RAD51B: variants seen among roughly 807,000 people sequenced by gnomAD.
RAD51B encodes DNA repair protein RAD51 homolog 2.
Under a neutral mutation model 42.2 loss-of-function variants are expected in RAD51B, and 38 were observed. The observed-to-expected ratio is 0.90, with a 90% CI of 0.70 to 1.18. The LOEUF (loss-of-function observed/expected upper bound fraction) is 1.18, where lower values mean the gene tolerates loss of function less well. RAD51B is among the 50% of genes most tolerant of loss of function. The pLI, the probability that RAD51B is intolerant of heterozygous loss-of-function variation, is 0.00. For synonymous variants in RAD51B, 154 were observed against 145.2 expected, an observed-to-expected ratio of 1.06 and a Z score of -0.43; for missense variants, 373 against 400.7, an observed-to-expected ratio of 0.93 and a Z score of 0.59.
chr14:68,275,082 A>G (rs1240787080), intron 7 of RAD51B, among the ~76,000 whole-genome samples: 1 of 152,104 alleles, frequency 6.6e-6, no homozygotes, highest in Non-Finnish European at 1.5e-5. Flanking sequence ...TGGTTTTAGC[A>G]CCCATTGATG....
intron 7 of RAD51B, among the ~76,000 whole-genome samples, chr14:68,234,407 T>TG (rs1365310120): frequency 6.6e-6 from 1 of 152,228 alleles, no homozygotes; most frequent in Non-Finnish European, 1.5e-5. Context: ...CATCACTTAA[T>TG]GATAGGAATG....
chr14:68,646,559 G>C (rs1892567911), intron 10 of RAD51B, among the ~76,000 whole-genome samples: 1 of 152,186 alleles, frequency 6.6e-6, no homozygotes, highest in African/African-American at 2.4e-5. Flanking sequence ...CCAAAGTAAA[G>C]GCATTTGATC....
chr14:68,562,752 A>T, intron 10 of RAD51B: 1 of 985,382 alleles, frequency 1.0e-6, no homozygotes, highest in South Asian at 4.7e-5. Context: ...CCTCATCACC[A>T]GGGCATATCT....
At chr14:68,540,309 A>G in intron 10 of RAD51B, 1 of 1,045,008 alleles carries the variant, frequency 9.6e-7, no homozygotes, top group Non-Finnish European at 1.2e-6. Context: ...CCACACCACA[A>G]CACTGTTGGA....
intron 7 of RAD51B, among the ~76,000 whole-genome samples, chr14:68,095,323 T>A (rs1312485262): frequency 6.6e-6 from 1 of 152,116 alleles, no homozygotes; most frequent in East Asian, 1.9e-4. Context: ...AGTTGAGAAC[T>A]GTATTCTCAA....
chr14:68,547,857 T>A (rs1888318324), intron 10 of RAD51B, among the ~76,000 whole-genome samples: 1 of 152,188 alleles, frequency 6.6e-6, no homozygotes, highest in African/African-American at 2.4e-5. Flanking sequence ...CAGGCCTTTT[T>A]TAGGAATGAA....
chr14:68,285,051 C>T (rs1046746522), intron 7 of RAD51B, among the ~76,000 whole-genome samples: 5 of 152,152 alleles, frequency 3.3e-5, no homozygotes, highest in Non-Finnish European at 7.3e-5. Context: ...CCTCCAGCTC[C>T]TACCACAGCA....
intron 9 of RAD51B, among the ~76,000 whole-genome samples, chr14:68,460,181 G>T (rs1007756764): frequency 6.6e-6 from 1 of 152,202 alleles, no homozygotes; most frequent in Admixed American, 6.5e-5. Flanking sequence ...GCCGGGCACA[G>T]TGGCTCACAC....
intron 10 of RAD51B, among the ~76,000 whole-genome samples, chr14:68,511,148 C>T (rs897495872): frequency 6.6e-6 from 1 of 152,162 alleles, no homozygotes; most frequent in Non-Finnish European, 1.5e-5. Flanking sequence ...TGAACTAGTG[C>T]TTTGGGACAC....
intron 10 of RAD51B, among the ~76,000 whole-genome samples, chr14:68,542,706 T>C (rs1888031373): frequency 6.6e-6 from 1 of 152,200 alleles, no homozygotes. Flanking sequence ...AAAAAATAAG[T>C]TCAAATTCTA....
At chr14:68,211,632 A>G (rs1382219373) in intron 7 of RAD51B, among the ~76,000 whole-genome samples, 2 of 152,236 alleles carry the variant, frequency 1.3e-5, no homozygotes, top group Non-Finnish European at 2.9e-5. Context: ...AAATTAATAT[A>G]TAAAACCATC....
intron 7 of RAD51B, among the ~76,000 whole-genome samples, chr14:68,022,606 T>C (rs111811739): frequency 9.9e-5 from 15 of 152,278 alleles, no homozygotes; most frequent in African/African-American, 3.6e-4. Flanking sequence ...TTAGTGTTGA[T>C]GGGCATTTTT....
chr14:68,482,756 A>G (rs1307513821), downstream of RAD51B, among the ~76,000 whole-genome samples: 3 of 152,212 alleles, frequency 2.0e-5, no homozygotes, highest in Admixed American at 6.5e-5. Flanking sequence ...CACACTGCCT[A>G]CTTCTGAATT....
chr14:67,954,473 G>C (rs1347304792), intron 7 of RAD51B, among the ~76,000 whole-genome samples: 1 of 152,204 alleles, frequency 6.6e-6, no homozygotes, highest in Admixed American at 6.5e-5. Flanking sequence ...TGAGAGGCTA[G>C]TCAGTAGCAT....
chr14:68,370,771 G>T (rs1232179497), intron 8 of RAD51B, among the ~76,000 whole-genome samples: 1 of 152,096 alleles, frequency 6.6e-6, no homozygotes, highest in East Asian at 1.9e-4. Context: ...TTGGCCGGGC[G>T]CAGTGGCTCA....
intron 8 of RAD51B, 64 bp from the exon 9 acceptor site, chr14:68,411,360 C>T (rs2084414450): frequency 5.1e-6 from 7 of 1,375,200 alleles, no homozygotes; most frequent in Admixed American, 1.7e-5. Flanking sequence ...AATGTCTGGA[C>T]TTCATGTGAA....
In RAD51B at chr14:67,843,703, C is replaced by A. The variant is rs2041511608; in HGVS notation, c.315+8507C>A. ...TATTTCTGTGGGGTCGATGGAATAT[C>A]ACCTTTGTCATTTCTGATTGTTTAT... On this transcript the variant is annotated intron_variant, in intron 4 of 10. Coordinates refer to ENST00000471583, the MANE Select transcript of RAD51B (RefSeq NM_133510.4). Among the ~76,000 whole-genome samples, 3 of 144,290 alleles carry A rather than the reference C, an allele frequency of 2.1e-5. No homozygotes were observed. The Admixed American group carries it at 2.2e-4, about 10-fold the overall frequency. The allele number at this position is 144,290 out of a possible 152,430, so 94.7% of individuals were successfully genotyped here. A position where few individuals can be genotyped will look rare whatever the true frequency, so the allele number is the denominator to read the frequency against.
intron 7 of RAD51B, among the ~76,000 whole-genome samples, chr14:68,105,345 C>T (rs1183553978): frequency 4.6e-5 from 7 of 151,610 alleles, no homozygotes; most frequent in African/African-American, 7.3e-5. Context: ...ACTTTGTTAT[C>T]GTCATAAAAT....
chr14:68,159,289 T>A (rs2078585147), intron 7 of RAD51B, among the ~76,000 whole-genome samples: 1 of 152,028 alleles, frequency 6.6e-6, no homozygotes, highest in Non-Finnish European at 1.5e-5. Context: ...AAAAATTGAT[T>A]AAAAAAATAG....
Sources: allele counts gnomAD v4.1 joint callset (sites outside exome capture counted in the v4.1 genomes callset), GRCh38; gene constraint gnomAD v4.1.1; transcripts MANE v1.5; gene names NCBI Gene and HGNC (gene_info 2026-07-23, HGNC 2026-07-21).